The following CCDC91 variants were observed in gnomAD, a reference collection of about 807,000 sequenced individuals.
CCDC91 encodes the protein coiled-coil domain containing 91.
A neutral mutation model predicts 63.2 loss-of-function variants in CCDC91; 48 were observed. The ratio of observed to expected loss-of-function variants is 0.76; its 90% CI spans 0.60 to 0.97. CCDC91 has a LOEUF of 0.97. Ranked by LOEUF, CCDC91 falls within the 50% of genes least tolerant of loss-of-function variation. CCDC91 has a pLI of 0.00. For synonymous variants in CCDC91, 167 were observed against 165.8 expected (o/e 1.01, Z -0.06); for missense variants, 500 against 494.6 (o/e 1.01, Z -0.10).
chr12:28,311,324 G>T (rs1488023243), intron 6 of CCDC91, among the ~76,000 whole-genome samples: 1 of 151,986 alleles, frequency 6.6e-6, no homozygotes, highest in African/African-American at 2.4e-5. Context: ...AGTTATAAAA[G>T]TTCTGGCTTC....
At chr12:28,429,734 A>G (rs960602540) in intron 8 of CCDC91, among the ~76,000 whole-genome samples, 1 of 152,128 alleles carries the variant, frequency 6.6e-6, no homozygotes, top group African/African-American at 2.4e-5. Context: ...CTTCAGGTAG[A>G]TTGAAATATT....
At chr12:28,227,961 C>T (rs370069238) in intron 1 of CCDC91, among the ~76,000 whole-genome samples, 9 of 151,996 alleles carry the variant, frequency 5.9e-5, no homozygotes, top group South Asian at 2.1e-4. Context: ...AAAGTGATAG[C>T]GTGTCTAAAG....
intron 6 of CCDC91, among the ~76,000 whole-genome samples, chr12:28,326,620 A>G (rs938804962): frequency 2.2e-5 from 3 of 138,980 alleles, no homozygotes; most frequent in Non-Finnish European, 4.5e-5. Flanking sequence ...CTCATTGTTC[A>G]GTTCCCACCT....
intron 1 of CCDC91, among the ~76,000 whole-genome samples, chr12:28,215,139 C>T (rs1943483143): frequency 6.6e-6 from 1 of 152,122 alleles, no homozygotes. Context: ...GAATGCCAGT[C>T]TTCTCTTGTA....
At chr12:28,260,272 T>C (rs1430829142) in intron 3 of CCDC91, among the ~76,000 whole-genome samples, 1 of 152,004 alleles carries the variant, frequency 6.6e-6, no homozygotes, top group Non-Finnish European at 1.5e-5. Flanking sequence ...AGTCAAGTAG[T>C]AACCTGGCAG....
At chr12:28,486,965 A>G (rs1951759086) in intron 12 of CCDC91, among the ~76,000 whole-genome samples, 1 of 152,118 alleles carries the variant, frequency 6.6e-6, no homozygotes, top group Non-Finnish European at 1.5e-5. Flanking sequence ...AGGACTCAAT[A>G]AATATGTGTT....
At chr12:28,369,797 A>G (rs1944497477) in intron 7 of CCDC91, among the ~76,000 whole-genome samples, 3 of 152,168 alleles carry the variant, frequency 2.0e-5, no homozygotes, top group Non-Finnish European at 4.4e-5. Context: ...TGCCAACACC[A>G]CATTGAAGCT....
At chr12:28,401,167 C>T (rs1013636131) in intron 8 of CCDC91, among the ~76,000 whole-genome samples, 1 of 152,098 alleles carries the variant, frequency 6.6e-6, no homozygotes, top group African/African-American at 2.4e-5. Context: ...TACAGACATA[C>T]CCAAGACTGG....
In CCDC91 at chr12:28,549,060, C is replaced by T; in HGVS notation, c.1216-3C>T. ...TCTCTCTCTCTTTAAAAAAATTAAA[C>T]AGCTCGATCAAGTCATCCGCCAAAG... On this transcript the variant is annotated splice_region_variant and splice_polypyrimidine_tract_variant and intron_variant, in intron 12 of 12. Coordinates refer to ENST00000536442, the MANE Select transcript of CCDC91 (RefSeq NM_018318.5). 6.3e-7 allele frequency: 1 copy of T among 1,589,676 alleles called. No individual in the cohort carries two copies. The highest frequency in any genetic ancestry group is 8.6e-7 in the Non-Finnish European group (1 of 1,160,694).
chr12:28,450,198 A>T lies in CCDC91; in HGVS notation c.800A>T (p.Glu267Val), dbSNP rs1418961910. ...RLLEMLDTEK[E>V]LLKEKIKEAL... Reference sequence around the variant, plus strand: ...CTTGAAATGCTAGATACAGAGAAGGAACTGTTAAAAGAAAAAATAAAGGAA... The same window carrying T: ...CTTGAAATGCTAGATACAGAGAAGGTACTGTTAAAAGAAAAAATAAAGGAA... The change falls in exon 9 of 13, where the codon GAA (glutamate) becomes GTA (valine). Residue 267 changes from glutamate (E) to valine (V), a missense_variant. By Grantham distance (121) the Glu-to-Val change is moderately radical. Coordinates refer to ENST00000536442, the MANE Select transcript of CCDC91 (RefSeq NM_018318.5). 7 of 1,609,992 alleles carry T rather than the reference A, an allele frequency of 4.3e-6. No homozygotes were observed. Among genetic ancestry groups the T allele is most frequent in the East Asian group, 2.2e-5 (1 of 44,714 alleles).
chr12:28,441,057 CAAA>C (rs60278449), intron 8 of CCDC91, among the ~76,000 whole-genome samples: 2 of 52,686 alleles, frequency 3.8e-5, no homozygotes, highest in African/African-American at 7.9e-5. Flanking sequence ...GACTCCATCT[CAAA>C]AAAAAAAAAA....
At chr12:28,363,419 A>T (rs1163035767) in intron 7 of CCDC91, among the ~76,000 whole-genome samples, 1 of 152,202 alleles carries the variant, frequency 6.6e-6, no homozygotes, top group African/African-American at 2.4e-5. Context: ...TTGTTTAACC[A>T]TACATGTTTA....
intron 8 of CCDC91, among the ~76,000 whole-genome samples, chr12:28,434,594 G>GTTTTTTTT (rs376645678): frequency 6.4e-4 from 47 of 73,452 alleles, no homozygotes; most frequent in South Asian, 1.7e-3. Context: ...CCTTGGTCTG[G>GTTTTTTTT]TTTTTTTTTT....
At chr12:28,267,910 TATA>T (rs1947430770) in intron 3 of CCDC91, among the ~76,000 whole-genome samples, 1 of 97,374 alleles carries the variant, frequency 1.0e-5, no homozygotes, top group Non-Finnish European at 1.9e-5. Context: ...AATTATATTA[TATA>T]TAATTATTAT....
At chr12:28,442,510 G>T (rs1481423461) in intron 8 of CCDC91, among the ~76,000 whole-genome samples, 1 of 152,102 alleles carries the variant, frequency 6.6e-6, no homozygotes, top group African/African-American at 2.4e-5. Context: ...CACATACTGT[G>T]TAATAAAACT....
intron 11 of CCDC91, among the ~76,000 whole-genome samples, chr12:28,468,270 T>C (rs188208898): frequency 6.6e-6 from 1 of 151,686 alleles, no homozygotes; most frequent in Admixed American, 6.6e-5. Flanking sequence ...TCTCATCTAG[T>C]ATCTATACTA....
chr12:28,445,363 G>A (rs1338852735), intron 8 of CCDC91, among the ~76,000 whole-genome samples: 4 of 152,180 alleles, frequency 2.6e-5, no homozygotes, highest in South Asian at 2.1e-4. Context: ...ATAAGGGACC[G>A]AAACAAAACC....
intron 3 of CCDC91, 22 bp downstream of exon 3, chr12:28,259,464 GGTTT>G (rs2136197586): frequency 8.6e-5 from 94 of 1,094,352 alleles, no homozygotes; most frequent in Non-Finnish European, 1.0e-4. Context: ...CAGGAATTAG[GGTTT>G]TTTTTTTTTT....
At chr12:28,480,996 A>C (rs929143765) in intron 11 of CCDC91, among the ~76,000 whole-genome samples, 1 of 152,022 alleles carries the variant, frequency 6.6e-6, no homozygotes, top group African/African-American at 2.4e-5. Context: ...GTAAAATATC[A>C]TATAAGTTTT....
Sources: allele counts gnomAD v4.1 joint callset (sites outside exome capture counted in the v4.1 genomes callset), GRCh38; gene constraint gnomAD v4.1.1; transcripts MANE v1.5; gene names NCBI Gene and HGNC (gene_info 2026-07-23, HGNC 2026-07-21).